Variants in DNAAF11 observed in about 807,000 individuals in gnomAD.
DNAAF11 encodes leucine rich repeat containing 6.
A neutral mutation model predicts 60.8 loss-of-function variants in DNAAF11; 45 were observed. The observed-to-expected ratio is 0.74, with a 90% CI of 0.58 to 0.95. The LOEUF is 0.95. DNAAF11 is among the 40% of genes least tolerant of loss of function. DNAAF11 has a pLI of 0.00. For missense variants in DNAAF11, 546 were observed against 546.2 expected, an observed-to-expected ratio of 1.00 and a Z score of 0.00; for synonymous variants, 191 against 183.5, an observed-to-expected ratio of 1.04 and a Z score of -0.33.
intron 7 of DNAAF11, among the ~76,000 whole-genome samples, chr8:132,616,379 G>A (rs1819157967): frequency 6.6e-6 from 1 of 152,084 alleles, no homozygotes; most frequent in African/African-American, 2.4e-5. Context: ...ATAAACCATG[G>A]AGACTGCTTA....
intron 10 of DNAAF11, among the ~76,000 whole-genome samples, chr8:132,606,196 T>C (rs1818116050): frequency 6.6e-6 from 1 of 152,206 alleles, no homozygotes; most frequent in Admixed American, 6.6e-5. Flanking sequence ...GTATAGCATA[T>C]ACAATTATGT....
chr8:132,628,180 G>A (rs920826442), intron 5 of DNAAF11, among the ~76,000 whole-genome samples: 4 of 152,144 alleles, frequency 2.6e-5, no homozygotes, highest in South Asian at 2.1e-4. Flanking sequence ...TTGGGAGGCC[G>A]AGGTGGGCAA....
At chr8:132,578,198 A>C (rs374492355) in intron 11 of DNAAF11, among the ~76,000 whole-genome samples, 2 of 152,210 alleles carry the variant, frequency 1.3e-5, no homozygotes, top group African/African-American at 2.4e-5. Context: ...CTGGGCCATA[A>C]TTTCTGGTCT....
intron 3 of DNAAF11, among the ~76,000 whole-genome samples, chr8:132,644,195 T>C (rs1021398477): frequency 2.0e-5 from 3 of 152,168 alleles, no homozygotes; most frequent in Admixed American, 6.5e-5. Flanking sequence ...CTTTCCTCCA[T>C]TGCTAGAATT....
intron 7 of DNAAF11, 86 bp downstream of exon 7, chr8:132,622,525 G>T: frequency 1.0e-6 from 1 of 997,530 alleles, no homozygotes; most frequent in Non-Finnish European, 1.6e-6. Flanking sequence ...ATTCTTTGCA[G>T]AGCAAACCTG....
intron 7 of DNAAF11, among the ~76,000 whole-genome samples, chr8:132,620,009 G>A (rs1176307506): frequency 6.6e-6 from 1 of 152,080 alleles, no homozygotes; most frequent in Non-Finnish European, 1.5e-5. Context: ...TAGGAAACAA[G>A]GTCCTCAGTT....
chr8:132,602,829 C>T (rs997922994), intron 10 of DNAAF11, among the ~76,000 whole-genome samples: 19 of 151,242 alleles, frequency 1.3e-4, no homozygotes, highest in African/African-American at 4.6e-4. Context: ...TTTGAGCCTG[C>T]CTCTTCTAGA....
chr8:132,582,255 A>G (rs1039271372), intron 11 of DNAAF11, among the ~76,000 whole-genome samples: 1 of 152,188 alleles, frequency 6.6e-6, no homozygotes. Context: ...GGCATTTTAC[A>G]TGTGATTGTG....
intron 3 of DNAAF11, among the ~76,000 whole-genome samples, chr8:132,656,241 G>A (rs1228930607): frequency 6.6e-6 from 1 of 152,108 alleles, no homozygotes; most frequent in Non-Finnish European, 1.5e-5. Flanking sequence ...CTCATAGTAT[G>A]AAACCATTAA....
intron 3 of DNAAF11, among the ~76,000 whole-genome samples, chr8:132,652,811 G>C (rs767731770): frequency 3.9e-5 from 6 of 152,118 alleles, no homozygotes; most frequent in Non-Finnish European, 8.8e-5. Context: ...AGCTAGGGGA[G>C]GGATAGCATT....
Position 132,576,517 on chromosome 8 carries a change from T to A in DNAAF11, c.1227-4037A>T, listed in dbSNP as rs147926166. Among the ~76,000 whole-genome samples, 58 of 152,334 alleles carry A rather than the reference T, an allele frequency of 3.8e-4. No individual in the cohort carries two copies. The East Asian group carries it at 0.01, about 27-fold the overall frequency. On this transcript the variant is annotated intron_variant, in intron 11 of 11. Coordinates refer to ENST00000620350, the MANE Select transcript of DNAAF11 (RefSeq NM_012472.6). The stretch of plus-strand genomic sequence containing the variant: ...GATTTGACTGACCAAATTGACCCAG[T>A]TGTTTTGGTGAACTGAAAGGGATGT...
At chr8:132,674,135 GA>G (rs1825493732) in intron 1 of DNAAF11, among the ~76,000 whole-genome samples, 1 of 141,000 alleles carries the variant, frequency 7.1e-6, no homozygotes, top group Non-Finnish European at 1.5e-5. Context: ...AGGAGGAGGA[GA>G]AGGAGGAGGA....
At chr8:132,675,461 AC>A in intron 1 of DNAAF11, 22 bp downstream of exon 1, 1 of 1,559,994 alleles carries the variant, frequency 6.4e-7, no homozygotes, top group Non-Finnish European at 8.7e-7. Context: ...ACGATCGAGG[AC>A]GGAAGGTGGA....
chr8:132,654,968 A>C (rs532664403), intron 3 of DNAAF11, among the ~76,000 whole-genome samples: 1 of 152,008 alleles, frequency 6.6e-6, no homozygotes, highest in Non-Finnish European at 1.5e-5. Context: ...AACAAAATCA[A>C]AAGTTGGTTC....
chr8:132,688,456 C>A, the DNAAF11 span, among the ~76,000 whole-genome samples: 1 of 152,094 alleles, frequency 6.6e-6, no homozygotes, highest in Non-Finnish European at 1.5e-5. Flanking sequence ...AGAAAAATAC[C>A]CTCTCTAAGG....
At chr8:132,653,897 C>A (rs1823273620) in intron 3 of DNAAF11, among the ~76,000 whole-genome samples, 1 of 152,076 alleles carries the variant, frequency 6.6e-6, no homozygotes, top group Admixed American at 6.5e-5. Context: ...ATAACAGACA[C>A]AAATTCTGCC....
At chr8:132,605,424 G>C (rs1818033291) in intron 10 of DNAAF11, among the ~76,000 whole-genome samples, 1 of 152,146 alleles carries the variant, frequency 6.6e-6, no homozygotes, top group Non-Finnish European at 1.5e-5. Flanking sequence ...ATAGTTGAGA[G>C]GGAGAGTAGT....
chr8:132,644,999 T>C (rs1822233688), intron 3 of DNAAF11, among the ~76,000 whole-genome samples: 1 of 152,138 alleles, frequency 6.6e-6, no homozygotes, highest in Non-Finnish European at 1.5e-5. Flanking sequence ...CCTCCCAGCA[T>C]GGAGTTTGAG....
At chr8:132,634,527 A>G (rs1821104033) in intron 4 of DNAAF11, among the ~76,000 whole-genome samples, 1 of 152,106 alleles carries the variant, frequency 6.6e-6, no homozygotes, top group South Asian at 2.1e-4. Flanking sequence ...GGCATTAAGT[A>G]ATTGTGGTCC....
Sources: gnomAD v4.1 joint callset for allele counts (sites outside exome capture counted in the v4.1 genomes callset) on GRCh38, gnomAD v4.1.1 for gene constraint, MANE v1.5 for transcripts, NCBI Gene and HGNC (gene_info 2026-07-23, HGNC 2026-07-21) for gene names.